The following DENND1B variants were observed in gnomAD, a reference collection of about 807,000 sequenced individuals.
DENND1B encodes DENN domain-containing protein 1B.
A neutral mutation model predicts 90.1 loss-of-function variants in DENND1B; 59 were observed. The observed-to-expected ratio is 0.65, with a 90% CI of 0.53 to 0.81. The LOEUF is 0.81. DENND1B is among the 40% of genes least tolerant of loss of function. The probability of loss-of-function intolerance (pLI) is 0.00; values close to 1 mark genes in which losing one functional copy is unlikely to be tolerated. For synonymous variants in DENND1B, 337 were observed against 324.6 expected (o/e 1.04, Z -0.41); for missense variants, 862 against 912.6 (o/e 0.94, Z 0.71).
intron 2 of DENND1B, among the ~76,000 whole-genome samples, chr1:197,771,624 T>G (rs1571700887): frequency 6.6e-6 from 1 of 152,172 alleles, no homozygotes; most frequent in East Asian, 1.9e-4. Context: ...CACAACTGGG[T>G]TGGGCTTCTC....
intron 3 of DENND1B, among the ~76,000 whole-genome samples, chr1:197,685,045 G>T (rs1248089353): frequency 6.6e-6 from 1 of 152,048 alleles, no homozygotes; most frequent in Non-Finnish European, 1.5e-5. Context: ...TTGAACCCAG[G>T]GGGCAGAGGT....
At chr1:197,614,600 G>A (rs1001280012) in intron 11 of DENND1B, among the ~76,000 whole-genome samples, 2 of 150,846 alleles carry the variant, frequency 1.3e-5, no homozygotes, top group African/African-American at 4.8e-5. Context: ...GCCTCCATAT[G>A]ATTGCTGCTT....
At chr1:197,591,218 T>C (rs1675172110) in intron 14 of DENND1B, among the ~76,000 whole-genome samples, 1 of 152,178 alleles carries the variant, frequency 6.6e-6, no homozygotes, top group Admixed American at 6.6e-5. Context: ...TTATTACTGC[T>C]AGAGAAGAAA....
At chr1:197,568,801 A>G (rs1672907198) in intron 15 of DENND1B, among the ~76,000 whole-genome samples, 1 of 152,168 alleles carries the variant, frequency 6.6e-6, no homozygotes, top group South Asian at 2.1e-4. Context: ...CAGATTATAT[A>G]TAAAAATCAA....
At chr1:197,665,992 T>G (rs2125972662) in intron 5 of DENND1B, among the ~76,000 whole-genome samples, 1 of 152,268 alleles carries the variant, frequency 6.6e-6, no homozygotes, top group Admixed American at 6.5e-5. Context: ...AAATGGAGAA[T>G]GCTTCAGTAT....
chr1:197,746,465 T>G lies in DENND1B; in HGVS notation c.82+26403A>C, dbSNP rs138852613. Among the ~76,000 whole-genome samples, 1,390 of 152,286 alleles carry G rather than the reference T, an allele frequency of 9.1e-3. 18 individuals carry two copies. The highest frequency in any genetic ancestry group is 0.028 in the African/African-American group (1,181 of 41,580). On this transcript the variant is annotated intron_variant, in intron 2 of 22. Transcript: ENST00000620048. Reference sequence around the variant, plus strand: ...ATGAACGAAAAACAGCAAAACTGATTTTATACCATGGGTCTATACAAATAA... The same window carrying G: ...ATGAACGAAAAACAGCAAAACTGATGTTATACCATGGGTCTATACAAATAA...
Position 197,716,394 on chromosome 1 carries a change from A to G in DENND1B, c.83-1320T>C, listed in dbSNP as rs532813891. On this transcript the variant is annotated intron_variant, in intron 2 of 22. Coordinates refer to ENST00000620048, the MANE Select transcript of DENND1B (RefSeq NM_001195215.2). Reference sequence around the variant, plus strand: ...TATAAGAATAATACATTACAAATTTATGAAGGTAATATTAAATGATTATAT... The same window carrying G: ...TATAAGAATAATACATTACAAATTTGTGAAGGTAATATTAAATGATTATAT... 7.2e-5 allele frequency among the ~76,000 whole-genome samples: 11 copies of G among 151,874 alleles called. No individual in the cohort carries two copies. In the South Asian group the frequency reaches 1.9e-3, roughly 26 times the overall value.
Position 197,639,506 on chromosome 1 carries a change from C to T in DENND1B, c.672+3205G>A, listed in dbSNP as rs115064943. ...TCATTCTCTTATAACTATGAAAAAT[C>T]ATGATTGTCAAAAAGTAAATAACTG... On this transcript the variant is annotated intron_variant, in intron 10 of 22. Transcript: ENST00000620048. Among the ~76,000 whole-genome samples the T allele has an allele frequency of 9.1e-3, 1,386 of 152,242 alleles. 19 individuals carry two copies. The highest frequency in any genetic ancestry group is 0.028 in the African/African-American group (1,178 of 41,548).
chr1:197,544,536 A>G (rs568119440), intron 18 of DENND1B, among the ~76,000 whole-genome samples: 1 of 152,204 alleles, frequency 6.6e-6, no homozygotes, highest in African/African-American at 2.4e-5. Flanking sequence ...TATTCTTACT[A>G]TTATTCCCAT....
At chr1:197,728,965 C>T (rs1571526535) in intron 2 of DENND1B, among the ~76,000 whole-genome samples, 1 of 152,200 alleles carries the variant, frequency 6.6e-6, no homozygotes, top group South Asian at 2.1e-4. Context: ...CTACTCAATC[C>T]CAGTGTCTTT....
chr1:197,686,835 C>T (rs1338256051), intron 3 of DENND1B, among the ~76,000 whole-genome samples: 1 of 151,700 alleles, frequency 6.6e-6, no homozygotes, highest in Non-Finnish European at 1.5e-5. Flanking sequence ...TCTTACCTTT[C>T]CATGGGGAAT....
chr1:197,647,092 C>CA lies in DENND1B; in HGVS notation c.469dup (p.Cys157LeufsTer2). 2 of 1,463,292 alleles carry CA rather than the reference C, an allele frequency of 1.4e-6. No individual in the cohort carries two copies. Among genetic ancestry groups the CA allele is most frequent in the Non-Finnish European group, 1.8e-6 (2 of 1,115,976 alleles). 90.6% of individuals were successfully genotyped at this position (1,463,292 alleles called of 1,614,324 possible). A position where few individuals can be genotyped will look rare whatever the true frequency, so the allele number is the denominator to read the frequency against. The stretch of plus-strand genomic sequence containing the variant: ...AGGCTGATCTTTCAGAACTTGCTCA[C>CA]AGGCAATAAATATCTCTTGGTTCTT... On this transcript the variant is annotated frameshift_variant, in exon 8 of 23. Coordinates refer to ENST00000620048, the MANE Select transcript of DENND1B (RefSeq NM_001195215.2). LOFTEE classifies it high-confidence loss of function.
At chr1:197,605,472 T>C (rs1046828033) in intron 13 of DENND1B, 2 of 150,984 alleles carry the variant, frequency 1.3e-5, no homozygotes, top group African/African-American at 4.8e-5. Flanking sequence ...AAAAGCTGAA[T>C]TTCTTTCTCT....
chr1:197,521,132 G>A (rs1288683624), intron 20 of DENND1B, among the ~76,000 whole-genome samples: 1 of 151,924 alleles, frequency 6.6e-6, no homozygotes, highest in Non-Finnish European at 1.5e-5. Context: ...TGTGACAGAG[G>A]TAGAAGGACC....
intron 1 of DENND1B, 104 bp downstream of exon 1, chr1:197,775,035 G>T: frequency 1.2e-6 from 1 of 826,808 alleles, no homozygotes; most frequent in Non-Finnish European, 1.6e-6. Context: ...AACCTCGGCC[G>T]CCCGGGGAGC....
At chr1:197,753,579 C>G (rs1653847542) in intron 2 of DENND1B, among the ~76,000 whole-genome samples, 1 of 152,034 alleles carries the variant, frequency 6.6e-6, no homozygotes, top group Non-Finnish European at 1.5e-5. Flanking sequence ...AGATTCATTG[C>G]TTGTAATGAA....
chr1:197,592,829 T>C (rs1279650437), intron 14 of DENND1B, among the ~76,000 whole-genome samples: 1 of 152,156 alleles, frequency 6.6e-6, no homozygotes, highest in African/African-American at 2.4e-5. Context: ...GAAATAATGG[T>C]TTATTTTTAT....
chr1:197,512,548 A>G (rs1446932808), intron 21 of DENND1B, among the ~76,000 whole-genome samples: 1 of 151,588 alleles, frequency 6.6e-6, no homozygotes, highest in Non-Finnish European at 1.5e-5. Flanking sequence ...TATTATCACC[A>G]TTCCTGATAT....
chr1:197,780,633 G>A (rs759713891), upstream of DENND1B, among the ~76,000 whole-genome samples: 1 of 151,938 alleles, frequency 6.6e-6, no homozygotes, highest in Admixed American at 6.6e-5. Flanking sequence ...ACTTTTATTT[G>A]TCCCCCATCC....
Sources: gnomAD v4.1 joint callset for allele counts (sites outside exome capture counted in the v4.1 genomes callset) on GRCh38, gnomAD v4.1.1 for gene constraint, MANE v1.5 for transcripts, NCBI Gene and HGNC (gene_info 2026-07-23, HGNC 2026-07-21) for gene names.